Variants in CACNA1B observed in about 807,000 individuals in gnomAD.
CACNA1B encodes the protein calcium voltage-gated channel subunit alpha1 B.
In CACNA1B, 70 loss-of-function variants were observed where a neutral mutation model predicts 247.2. The observed-to-expected ratio is 0.28, with a 90% CI of 0.23 to 0.35. CACNA1B has a LOEUF of 0.35. Among genes scored for constraint, CACNA1B ranks in the 10% least tolerant of loss-of-function variants. The pLI is 1.00. For synonymous variants in CACNA1B, 1,231 were observed against 1,294.4 expected, an observed-to-expected ratio of 0.95 and a Z score of 1.05; for missense variants, 2,367 against 3,197.4, an observed-to-expected ratio of 0.74 and a Z score of 6.26.
intron 3 of CACNA1B, among the ~76,000 whole-genome samples, chr9:137,893,941 C>T (rs1434587563): frequency 6.6e-6 from 1 of 152,228 alleles, no homozygotes; most frequent in African/African-American, 2.4e-5. Context: ...CCCACCTTCC[C>T]TTTACTCGCT....
chr9:138,086,794 A>G (rs76109935), intron 36 of CACNA1B, among the ~76,000 whole-genome samples: 1 of 151,386 alleles, frequency 6.6e-6, no homozygotes, highest in Non-Finnish European at 1.5e-5. Context: ...TTGGCTTTAA[A>G]GTGCCTTTTA....
intron 20 of CACNA1B, among the ~76,000 whole-genome samples, chr9:138,026,368 C>T (rs188639656): frequency 4.7e-4 from 72 of 152,248 alleles, no homozygotes; most frequent in African/African-American, 1.7e-3. Context: ...GAGGATGAGC[C>T]TAGGTTCCCT....
chr9:137,939,080 AAAAG>A (rs990260849), intron 6 of CACNA1B, among the ~76,000 whole-genome samples: 3 of 152,174 alleles, frequency 2.0e-5, no homozygotes, highest in Non-Finnish European at 2.9e-5. Context: ...AAAAGAAAAA[AAAAG>A]AGAGAGAAAT....
intron 39 of CACNA1B, among the ~76,000 whole-genome samples, chr9:138,108,043 A>AG (rs1589132381): frequency 6.8e-6 from 1 of 147,968 alleles, no homozygotes; most frequent in Non-Finnish European, 1.5e-5. Flanking sequence ...AAAAAAAAAA[A>AG]AGAGATAACC....
At position 138,054,039 on chromosome 9, in the gene CACNA1B, C is replaced by T. The variant is rs200578385; in HGVS notation, c.3968+33C>T. 6.2e-6 allele frequency: 10 copies of T among 1,604,024 alleles called. No homozygotes were observed. The highest frequency in any genetic ancestry group is 1.1e-5 in the South Asian group (1 of 90,676). On this transcript the variant is annotated intron_variant, in intron 26 of 46. Transcript: ENST00000371372. The surrounding 1 kb of genome is among the most constrained non-coding windows in gnomAD (Gnocchi z 4.6). ...GAGGCAGGGTGCAAGGTGGGACACA[C>T]AGCCCCATGATGCAGACAACACTGG...
chr9:137,945,514 T>G (rs1487191944), intron 6 of CACNA1B, among the ~76,000 whole-genome samples: 1 of 152,254 alleles, frequency 6.6e-6, no homozygotes, highest in Non-Finnish European at 1.5e-5. Flanking sequence ...ACTATGAGTT[T>G]CCTCTTGTCC....
intron 13 of CACNA1B, 110 bp downstream of exon 13, chr9:137,984,360 T>C (rs944528232): frequency 2.6e-6 from 2 of 769,918 alleles, no homozygotes; most frequent in Non-Finnish European, 4.4e-6. Flanking sequence ...AAGCTCTCTC[T>C]GTGGCTTATA....
intron 6 of CACNA1B, among the ~76,000 whole-genome samples, chr9:137,924,262 T>C (rs763877666): frequency 6.6e-6 from 1 of 152,092 alleles, no homozygotes; most frequent in Non-Finnish European, 1.5e-5. Flanking sequence ...TTACAATCTA[T>C]TTTAGGTTAA....
intron 15 of CACNA1B, among the ~76,000 whole-genome samples, chr9:138,004,610 A>C (rs1589061718): frequency 6.6e-6 from 1 of 152,116 alleles, no homozygotes. Flanking sequence ...GAAAACAGCA[A>C]GTTGAAGAAT....
chr9:138,111,320 A>G (rs766373), intron 39 of CACNA1B, among the ~76,000 whole-genome samples: 90,397 of 152,226 alleles, frequency 0.59, 30,664 homozygotes, highest in Non-Finnish European at 0.75. Context: ...CAGGAGTAAA[A>G]GGAAACACGC....
In CACNA1B at chr9:137,914,261, A is replaced by G. The variant is rs1358486950; in HGVS notation, c.623-393A>G. 6.6e-6 allele frequency among the ~76,000 whole-genome samples: 1 copy of G among 151,742 alleles called. No individual in the cohort carries two copies. Among genetic ancestry groups the G allele is most frequent in the African/African-American group, 2.4e-5 (1 of 41,256 alleles). On this transcript the variant is annotated intron_variant, in intron 4 of 46. Transcript: ENST00000371372. This position sits in a 1 kb window ranked among gnomAD's most constrained non-coding sequence, Gnocchi z 4.3. ...GAATTCCCTGTTCTTTCCTCTCAGG[A>G]TGTCCTCTGACTTGGCTCTTCCTTC...
chr9:138,108,415 A>G (rs951141788), intron 39 of CACNA1B, among the ~76,000 whole-genome samples: 2 of 152,070 alleles, frequency 1.3e-5, no homozygotes, highest in Non-Finnish European at 2.9e-5. Context: ...CCAGGTCCAA[A>G]TGGCTTCTTT....
rs555277494 is a variant in CACNA1B at position 138,035,110 on chromosome 9, A to G, written c.3287-8664A>G. The stretch of plus-strand genomic sequence containing the variant: ...CTGCATCACAATGCCTGTGTCATTC[A>G]CCTCAGTTCGTCTCATCATGTAGGC... On this transcript the variant is annotated intron_variant, in intron 20 of 46. Coordinates refer to ENST00000371372, the MANE Select transcript of CACNA1B (RefSeq NM_000718.4). 1.2e-4 allele frequency among the ~76,000 whole-genome samples: 18 copies of G among 152,306 alleles called. No individual in the cohort carries two copies. The South Asian group carries it at 3.7e-3, about 32-fold the overall frequency.
Position 138,073,900 on chromosome 9 carries a change from G to C in CACNA1B, c.4792-101G>C, listed in dbSNP as rs1209435109. The C allele has an allele frequency of 6.7e-6, 6 of 893,986 alleles. No homozygotes were observed. Among genetic ancestry groups the C allele is most frequent in the Non-Finnish European group, 1.1e-5 (6 of 541,458 alleles). The allele number at this position is 893,986 out of a possible 1,614,324, so 55.4% of individuals were successfully genotyped here. On this transcript the variant is annotated intron_variant, in intron 33 of 46. Coordinates refer to ENST00000371372, the MANE Select transcript of CACNA1B (RefSeq NM_000718.4). The surrounding 1 kb of genome is among the most constrained non-coding windows in gnomAD (Gnocchi z 6.4). ...TGGCCAGTGGGATGGAGCTTGAGTA[G>C]GCTGAGGTCTGTGTGACCTCAAAGG...
chr9:138,036,498 A>G (rs571093308), intron 20 of CACNA1B, among the ~76,000 whole-genome samples: 1 of 152,326 alleles, frequency 6.6e-6, no homozygotes, highest in Non-Finnish European at 1.5e-5. Flanking sequence ...TTGCCTGAAC[A>G]GTCTTTATTT....
intron 3 of CACNA1B, chr9:137,892,478 A>G: frequency 2.5e-6 from 1 of 399,022 alleles, no homozygotes; most frequent in South Asian, 1.8e-5. Flanking sequence ...ATGTCTGCAG[A>G]ATCCGCCATA....
chr9:138,096,058 T>G (rs1049922152), intron 36 of CACNA1B, among the ~76,000 whole-genome samples: 8 of 152,316 alleles, frequency 5.3e-5, no homozygotes, highest in Admixed American at 3.9e-4. Flanking sequence ...ATACACTAAA[T>G]GCCCCTGAAC....
Position 137,919,517 on chromosome 9 carries a change from C to T in CACNA1B, c.966+2086C>T, listed in dbSNP as rs1346808186. Among the ~76,000 whole-genome samples, 2 of 152,248 alleles carry T rather than the reference C, an allele frequency of 1.3e-5. No homozygotes were observed. The highest frequency in any genetic ancestry group is 2.9e-5 in the Non-Finnish European group (2 of 68,046). Reference sequence around the variant, plus strand: ...AAGAACCGACCAGTCCGCTCCTCCACACTAAGGGCATACAGGGTCGGTCAC... The same window carrying T: ...AAGAACCGACCAGTCCGCTCCTCCATACTAAGGGCATACAGGGTCGGTCAC... On this transcript the variant is annotated intron_variant, in intron 6 of 46. Transcript: ENST00000371372. The surrounding 1 kb of genome is among the most constrained non-coding windows in gnomAD (Gnocchi z 4.6).
chr9:138,044,832 TC>T (rs905617896), intron 21 of CACNA1B, among the ~76,000 whole-genome samples: 11 of 152,086 alleles, frequency 7.2e-5, no homozygotes, highest in African/African-American at 2.4e-4. Context: ...CCCTGCCTCC[TC>T]CCCCCAGTCA....
Sources: allele counts gnomAD v4.1 joint callset (sites outside exome capture counted in the v4.1 genomes callset), GRCh38; gene constraint gnomAD v4.1.1; non-coding constraint Gnocchi (gnomAD v3.1); transcripts MANE v1.5; gene names NCBI Gene and HGNC (gene_info 2026-07-23, HGNC 2026-07-21).